Variants in RPS24 observed in about 807,000 individuals in gnomAD.
RPS24 encodes small ribosomal subunit protein eS24.
For synonymous variants in RPS24, 72 were observed against 55.6 expected (o/e 1.30, Z -1.31); for missense variants, 100 against 162.5 (o/e 0.62, Z 2.09).
chr10:78,036,888 T>A (rs1847880581), intron 3 of RPS24, among the ~76,000 whole-genome samples: 1 of 152,096 alleles, frequency 6.6e-6, no homozygotes. Context: ...TGCCTTGTTT[T>A]GGTAGTGCAA....
intron 4 of RPS24, among the ~76,000 whole-genome samples, chr10:78,046,983 G>T (rs1338786112): frequency 6.8e-6 from 1 of 146,004 alleles, no homozygotes; most frequent in African/African-American, 2.5e-5. Context: ...CAGGTAACCT[G>T]TTTTTTTTTT....
intron 4 of RPS24, chr10:78,038,507 A>G (rs1589329459): frequency 6.7e-6 from 1 of 148,342 alleles, no homozygotes; most frequent in African/African-American, 2.5e-5. Flanking sequence ...ATTGCTTTTT[A>G]TTACTTAATC....
intron 4 of RPS24, among the ~76,000 whole-genome samples, chr10:78,046,271 C>T (rs1349057195): frequency 6.6e-6 from 1 of 151,782 alleles, no homozygotes; most frequent in Non-Finnish European, 1.5e-5. Context: ...AATTAATGAC[C>T]ACAGAATAGC....
chr10:78,045,467 T>C (rs1391209295), downstream of RPS24, among the ~76,000 whole-genome samples: 1 of 152,060 alleles, frequency 6.6e-6, no homozygotes, highest in Non-Finnish European at 1.5e-5. Context: ...TTCCGAAACC[T>C]GGCAGGTGGG....
intron 4 of RPS24, among the ~76,000 whole-genome samples, chr10:78,048,701 C>G (rs1313109515): frequency 6.6e-6 from 1 of 151,768 alleles, no homozygotes; most frequent in African/African-American, 2.4e-5. Context: ...ATGGTGAAAC[C>G]CCGTCTCTAC....
At chr10:78,038,100 G>A in intron 4 of RPS24, 1 of 529,212 alleles carries the variant, frequency 1.9e-6, no homozygotes, top group Non-Finnish European at 3.1e-6. Flanking sequence ...TATAATGCCA[G>A]TGCTATTTAG....
chr10:78,036,744 C>G (rs1847877320), intron 3 of RPS24, among the ~76,000 whole-genome samples: 1 of 152,102 alleles, frequency 6.6e-6, no homozygotes, highest in African/African-American at 2.4e-5. Context: ...CCAGGAACAG[C>G]AAGTGCAAAG....
At chr10:78,047,059 C>T (rs970499002) in intron 4 of RPS24, among the ~76,000 whole-genome samples, 1 of 151,466 alleles carries the variant, frequency 6.6e-6, no homozygotes, top group Non-Finnish European at 1.5e-5. Context: ...CTCCTGGGTG[C>T]GATTCTCCAC....
intron 4 of RPS24, chr10:78,038,092 T>A: frequency 3.4e-6 from 2 of 585,256 alleles, no homozygotes; most frequent in Non-Finnish European, 5.4e-6. Context: ...TGGTCGATTA[T>A]AATGCCAGTG....
intron 4 of RPS24, chr10:78,037,953 C>G: frequency 3.4e-6 from 1 of 297,794 alleles, no homozygotes; most frequent in Non-Finnish European, 4.7e-6. Context: ...TCTTGGATTT[C>G]TTGTTCATCA....
downstream of RPS24, chr10:78,040,744 G>C (rs550877151): frequency 1.2e-5 from 17 of 1,398,246 alleles, no homozygotes; most frequent in African/African-American, 5.7e-5. Context: ...GGGACTGCTA[G>C]GAGGTTAGTC....
At chr10:78,051,115 G>T (rs1848094830) in intron 4 of RPS24, among the ~76,000 whole-genome samples, 1 of 152,134 alleles carries the variant, frequency 6.6e-6, no homozygotes, top group Admixed American at 6.5e-5. Context: ...CCTTGAACCT[G>T]GAAGGCAGAG....
At chr10:78,036,613 C>G (rs1436848760) in intron 3 of RPS24, 2 of 154,542 alleles carry the variant, frequency 1.3e-5, no homozygotes, top group African/African-American at 2.4e-5. Flanking sequence ...TGAGGCTGCA[C>G]TATTTTTAAC....
chr10:78,055,168 A>C, exon 5 of RPS24: 10 of 1,226,210 alleles, frequency 8.2e-6, no homozygotes, highest in African/African-American at 1.5e-5. Context: ...TCTCACCCAA[A>C]TGCCAAAGAC....
chr10:78,047,378 C>T (rs898103233), intron 4 of RPS24, among the ~76,000 whole-genome samples: 2 of 152,104 alleles, frequency 1.3e-5, no homozygotes, highest in Non-Finnish European at 2.9e-5. Flanking sequence ...TGTGGAGACC[C>T]GGTAGGACAG....
chr10:78,035,879 C>CG (rs1188173472), intron 3 of RPS24, 159 bp downstream of exon 3: 1 of 682,976 alleles, frequency 1.5e-6, no homozygotes, highest in African/African-American at 1.8e-5. Context: ...AGGTGGAGTA[C>CG]GGGGGTTCAA....
intron 3 of RPS24, among the ~76,000 whole-genome samples, 166 bp from the exon 4 acceptor site, chr10:78,037,028 G>A (rs1716869901): frequency 6.6e-6 from 1 of 152,028 alleles, no homozygotes; most frequent in South Asian, 2.1e-4. Context: ...AAAATCCCTT[G>A]ATGATCCTTT....
intron 4 of RPS24, among the ~76,000 whole-genome samples, chr10:78,053,535 A>G (rs897102907): frequency 2.6e-5 from 4 of 152,172 alleles, no homozygotes; most frequent in African/African-American, 9.7e-5. Flanking sequence ...GAGGCATTAC[A>G]TCTGTTATCC....
Position 78,040,593 on chromosome 10 carries a change from ACTT to A in RPS24, c.*20-18_*20-16del, listed in dbSNP as rs1432014736. The A allele has an allele frequency of 8.2e-6, 13 of 1,594,880 alleles. No homozygotes were observed. Among genetic ancestry groups the A allele is most frequent in the Non-Finnish European group, 1.0e-5 (12 of 1,162,480 alleles). On this transcript the variant is annotated intron_variant, in intron 5 of 5. Coordinates refer to ENST00000372360, the MANE Select transcript of RPS24 (RefSeq NM_033022.4). The stretch of plus-strand genomic sequence containing the variant: ...AATTTTAAAGGCAGTTGTTGACTAA[ACTT>A]CTTTCTCTTGATTCACAGCCGAAGG...
Sources: gnomAD v4.1 joint callset for allele counts (sites outside exome capture counted in the v4.1 genomes callset) on GRCh38, gnomAD v4.1.1 for gene constraint, MANE v1.5 for transcripts, NCBI Gene and HGNC (gene_info 2026-07-23, HGNC 2026-07-21) for gene names.